The following TUSC3 variants were observed in gnomAD, a reference collection of about 807,000 sequenced individuals.
The protein encoded by TUSC3 is tumor suppressor candidate 3.
In TUSC3, 45 loss-of-function variants were observed where a neutral mutation model predicts 44.8. The ratio of observed to expected loss-of-function variants is 1.00; its 90% CI spans 0.79 to 1.29. The LOEUF (loss-of-function observed/expected upper bound fraction) is 1.29, where lower values mean the gene tolerates loss of function less well. TUSC3 is among the 50% of genes most tolerant of loss of function. The pLI is 0.00. For missense variants in TUSC3, 519 were observed against 437.9 expected (o/e 1.19, Z -1.65); for synonymous variants, 212 against 152.9 (o/e 1.39, Z -2.85).
chr8:15,466,160 G>C lies in TUSC3; in HGVS notation n.92-17226G>C, dbSNP rs189389671. Among the ~76,000 whole-genome samples the C allele has an allele frequency of 3.3e-5, 5 of 152,214 alleles. 1 individual carries two copies. The highest frequency in any genetic ancestry group is 1.2e-4 in the African/African-American group (5 of 41,554). ...TGACCTCACTATTATTTTGAAACATGTATGTTAAAGGTTGTTTTTCTCCTA... is the reference window on the plus strand; with the variant it reads ...TGACCTCACTATTATTTTGAAACATCTATGTTAAAGGTTGTTTTTCTCCTA... On this transcript the variant is annotated intron_variant and non_coding_transcript_variant, in intron 1 of 5. Transcript: ENST00000503191.
chr8:15,484,288 C>G (rs532384474), intron 2 of TUSC3, among the ~76,000 whole-genome samples: 1 of 152,348 alleles, frequency 6.6e-6, no homozygotes, highest in East Asian at 1.9e-4. Flanking sequence ...TGCTCTAGCA[C>G]AATTTCCCAG....
chr8:15,684,921 C>T (rs1363990739), intron 6 of TUSC3, among the ~76,000 whole-genome samples: 1 of 152,164 alleles, frequency 6.6e-6, no homozygotes, highest in Non-Finnish European at 1.5e-5. Context: ...TCTGCAAGAT[C>T]GTTCAGGCAG....
At chr8:15,776,461 T>C in the TUSC3 span, among the ~76,000 whole-genome samples, 10 of 152,262 alleles carry the variant, frequency 6.6e-5, no homozygotes, top group African/African-American at 2.4e-4. Context: ...ATGTCAGTTA[T>C]GTTTTCAATG....
At chr8:15,733,510 T>C (rs1038110972) in intron 7 of TUSC3, 3 of 286,664 alleles carry the variant, frequency 1.0e-5, no homozygotes, top group African/African-American at 4.6e-5. Context: ...GCAGGAATTC[T>C]CCAAGGTTTA....
chr8:15,828,090 G>A, the TUSC3 span, among the ~76,000 whole-genome samples: 1 of 151,578 alleles, frequency 6.6e-6, no homozygotes, highest in Middle Eastern at 3.4e-3. Context: ...CACCTCCCGG[G>A]TTCAAGCAAC....
upstream of TUSC3, among the ~76,000 whole-genome samples, chr8:15,535,982 A>G (rs145455706): frequency 1.1e-3 from 164 of 152,322 alleles, 2 homozygotes; most frequent in Admixed American, 4.4e-3. Flanking sequence ...TTTTGAAAAC[A>G]TGAGTTTTTT....
downstream of TUSC3, among the ~76,000 whole-genome samples, chr8:15,770,608 C>T (rs1304464072): frequency 6.6e-6 from 1 of 151,896 alleles, no homozygotes; most frequent in Non-Finnish European, 1.5e-5. Context: ...AAAATATGAT[C>T]TTAAAATGAA....
At chr8:15,807,629 G>T in the TUSC3 span, among the ~76,000 whole-genome samples, 3 of 152,172 alleles carry the variant, frequency 2.0e-5, no homozygotes, top group Non-Finnish European at 4.4e-5. Flanking sequence ...CCCATCCGTG[G>T]TGGATTGGAT....
intron 2 of TUSC3, among the ~76,000 whole-genome samples, chr8:15,517,142 T>A (rs1459176784): frequency 6.6e-6 from 1 of 152,170 alleles, no homozygotes; most frequent in African/African-American, 2.4e-5. Context: ...CCAGGGATTC[T>A]CTAGCAATAG....
rs560990204 is a variant in TUSC3 at position 15,451,508 on chromosome 8, G to A, written n.92-31878G>A. ...CCAAAAGGATAGGATTGGAGACTCT[G>A]CAGGTTGCTTAACACTTGGAGGTGC... On this transcript the variant is annotated intron_variant and non_coding_transcript_variant, in intron 1 of 5. Transcript: ENST00000503191. 2.6e-5 allele frequency among the ~76,000 whole-genome samples: 4 copies of A among 152,306 alleles called. No homozygotes were observed. The South Asian group carries it at 8.3e-4, about 32-fold the overall frequency.
At chr8:15,685,466 G>A (rs927325879) in intron 6 of TUSC3, among the ~76,000 whole-genome samples, 1 of 152,070 alleles carries the variant, frequency 6.6e-6, no homozygotes, top group Non-Finnish European at 1.5e-5. Flanking sequence ...GTTCCCGGCT[G>A]TTTCTAGACA....
chr8:15,713,111 T>C (rs1323749821), intron 6 of TUSC3, among the ~76,000 whole-genome samples: 2 of 152,182 alleles, frequency 1.3e-5, no homozygotes, highest in African/African-American at 4.8e-5. Context: ...ACAAATACGT[T>C]TTTGTAAAAG....
At chr8:15,839,740 A>G in the TUSC3 span, among the ~76,000 whole-genome samples, 12 of 152,192 alleles carry the variant, frequency 7.9e-5, no homozygotes, top group Non-Finnish European at 1.2e-4. Flanking sequence ...GGTGCTGGAG[A>G]GGATGTGGAG....
rs186682549 is a variant in TUSC3, at chr8:15,581,972, G to A, written c.139-41108G>A. 7.3e-5 allele frequency among the ~76,000 whole-genome samples: 11 copies of A among 151,314 alleles called. No homozygotes were observed. In the East Asian group the frequency reaches 7.8e-4, roughly 11 times the overall value. On this transcript the variant is annotated intron_variant, in intron 1 of 10. Transcript: ENST00000503731. Reference sequence around the variant, plus strand: ...TAGCAGTCAGCGAGATTCCGTGGGCGTAGGACCCTCTGAGCCAGGTGTGGG... The same window carrying A: ...TAGCAGTCAGCGAGATTCCGTGGGCATAGGACCCTCTGAGCCAGGTGTGGG...
chr8:15,513,076 A>G (rs540555885), intron 2 of TUSC3, among the ~76,000 whole-genome samples: 2 of 151,104 alleles, frequency 1.3e-5, no homozygotes, highest in East Asian at 1.9e-4. Flanking sequence ...TTGTAACGTT[A>G]CCAAAATTAT....
At chr8:15,526,265 C>G (rs1057270485) in intron 2 of TUSC3, among the ~76,000 whole-genome samples, 2 of 152,112 alleles carry the variant, frequency 1.3e-5, no homozygotes, top group Admixed American at 1.3e-4. Context: ...GATCTCCTGA[C>G]CTCGTGATCT....
intron 2 of TUSC3, among the ~76,000 whole-genome samples, chr8:15,502,814 A>G (rs1049364835): frequency 2.0e-5 from 3 of 152,140 alleles, no homozygotes; most frequent in East Asian, 1.9e-4. Context: ...ATTTTTATCA[A>G]TCTTTTCTTT....
intron 2 of TUSC3, among the ~76,000 whole-genome samples, chr8:15,526,672 G>A (rs916278353): frequency 2.0e-5 from 3 of 152,242 alleles, no homozygotes; most frequent in South Asian, 2.1e-4. Flanking sequence ...CTCCAGTTAC[G>A]TGGAACTGTG....
At chr8:15,622,957 A>T in intron 1 of TUSC3, 123 bp from the exon 2 acceptor site, 1 of 1,011,042 alleles carries the variant, frequency 9.9e-7, no homozygotes, top group Non-Finnish European at 1.4e-6. Flanking sequence ...ATGGTCTTTT[A>T]TCTTTTCTAT....
Sources: allele counts gnomAD v4.1 joint callset (sites outside exome capture counted in the v4.1 genomes callset), GRCh38; gene constraint gnomAD v4.1.1; transcripts MANE v1.5; gene names NCBI Gene and HGNC (gene_info 2026-07-23, HGNC 2026-07-21).